The following CDH13 variants were observed in gnomAD, a reference collection of about 807,000 sequenced individuals.
CDH13 encodes cadherin 13.
CDH13 carries 24 observed loss-of-function variants against 63.8 expected under a neutral mutation model. That is an observed-to-expected ratio of 0.38 (90% CI 0.27 to 0.53). The LOEUF (loss-of-function observed/expected upper bound fraction) is 0.53, where lower values mean the gene tolerates loss of function less well. CDH13 is among the 20% of genes least tolerant of loss of function. The pLI, the probability that CDH13 is intolerant of heterozygous loss-of-function variation, is 0.85. For missense variants in CDH13, 1,049 were observed against 903.1 expected, an observed-to-expected ratio of 1.16 and a Z score of -2.07; for synonymous variants, 503 against 355.3, an observed-to-expected ratio of 1.42 and a Z score of -4.67.
chr16:83,729,177 C>G (rs1598603214), intron 10 of CDH13, among the ~76,000 whole-genome samples: 2 of 152,206 alleles, frequency 1.3e-5, no homozygotes, highest in East Asian at 3.9e-4. Flanking sequence ...TTGGGGGGAA[C>G]AGCAACAAAT....
At chr16:83,034,205 C>G (rs1321800827) in intron 3 of CDH13, among the ~76,000 whole-genome samples, 1 of 152,118 alleles carries the variant, frequency 6.6e-6, no homozygotes, top group African/African-American at 2.4e-5. Context: ...TAACCCCTGG[C>G]TTAGCCTGAG....
chr16:82,864,345 C>G (rs778908788), intron 2 of CDH13, among the ~76,000 whole-genome samples: 1 of 152,138 alleles, frequency 6.6e-6, no homozygotes, highest in Admixed American at 6.6e-5. Flanking sequence ...TATTTTCATA[C>G]TTCTATAAAG....
chr16:83,384,366 T>C (rs994379214), intron 6 of CDH13, among the ~76,000 whole-genome samples: 9 of 152,152 alleles, frequency 5.9e-5, no homozygotes, highest in Non-Finnish European at 1.3e-4. Context: ...GTCCTTCCTT[T>C]CTTCCCTCCA....
At chr16:82,675,763 G>A (rs1913827442) in intron 1 of CDH13, among the ~76,000 whole-genome samples, 1 of 152,150 alleles carries the variant, frequency 6.6e-6, no homozygotes, top group South Asian at 2.1e-4. Flanking sequence ...TATATATCCA[G>A]TCCAGCCTTT....
intron 10 of CDH13, among the ~76,000 whole-genome samples, chr16:83,702,803 G>T (rs1248483069): frequency 1.3e-5 from 2 of 152,192 alleles, no homozygotes; most frequent in African/African-American, 4.8e-5. Context: ...AGATGCAAAG[G>T]TACAGAGGGT....
At position 83,569,810 on chromosome 16, in the gene CDH13, C is replaced by T. The variant is rs1424801863; in HGVS notation, c.961-32644C>T. Among the ~76,000 whole-genome samples, 3 of 152,206 alleles carry T rather than the reference C, an allele frequency of 2.0e-5. No individual in the cohort carries two copies. In the East Asian group the frequency reaches 5.8e-4, roughly 29 times the overall value. ...GGAGTGCAGTGGTACAATCTCCGCT[C>T]ACTGCAACCTCTGCCTCCCGGGTTC... is the stretch of plus-strand genomic sequence containing the variant. On this transcript the variant is annotated intron_variant, in intron 7 of 13. Coordinates refer to ENST00000567109, the MANE Select transcript of CDH13 (RefSeq NM_001257.5).
chr16:83,044,730 G>C (rs1226126466), intron 3 of CDH13, among the ~76,000 whole-genome samples: 1 of 152,230 alleles, frequency 6.6e-6, no homozygotes, highest in African/African-American at 2.4e-5. Context: ...GTGAGACTCA[G>C]AGGTGGGTCT....
intron 3 of CDH13, among the ~76,000 whole-genome samples, chr16:83,085,142 A>G (rs1210122233): frequency 6.6e-6 from 1 of 151,848 alleles, no homozygotes; most frequent in Non-Finnish European, 1.5e-5. Flanking sequence ...TTGGACTTAC[A>G]GTTCCACATG....
At chr16:83,362,252 A>T (rs2091176448) in intron 6 of CDH13, among the ~76,000 whole-genome samples, 1 of 152,158 alleles carries the variant, frequency 6.6e-6, no homozygotes, top group African/African-American at 2.4e-5. Context: ...CATATTCATG[A>T]GGCAATCTGA....
chr16:83,501,222 T>C (rs1383627465), intron 7 of CDH13, among the ~76,000 whole-genome samples: 1 of 152,260 alleles, frequency 6.6e-6, no homozygotes, highest in African/African-American at 2.4e-5. Context: ...AATGAATTTA[T>C]TTCTACCTTT....
chr16:82,945,562 G>A (rs1429830949), intron 2 of CDH13, among the ~76,000 whole-genome samples: 7 of 152,142 alleles, frequency 4.6e-5, no homozygotes, highest in African/African-American at 1.7e-4. Flanking sequence ...TTACTGTGGT[G>A]CATATCAAGG....
chr16:82,879,585 A>G (rs1365184907), intron 2 of CDH13, among the ~76,000 whole-genome samples: 1 of 141,908 alleles, frequency 7.0e-6, no homozygotes, highest in East Asian at 2.0e-4. Flanking sequence ...ACAATATTAT[A>G]TATTATATTT....
chr16:83,160,106 A>C (rs543310280), intron 4 of CDH13, among the ~76,000 whole-genome samples: 41 of 152,096 alleles, frequency 2.7e-4, no homozygotes, highest in Non-Finnish European at 5.3e-4. Context: ...AAATTGTTAC[A>C]TAATGCACCC....
chr16:83,324,806 T>C (rs1253800340), intron 5 of CDH13, among the ~76,000 whole-genome samples: 1 of 152,222 alleles, frequency 6.6e-6, no homozygotes, highest in African/African-American at 2.4e-5. Flanking sequence ...CACTCTAGGC[T>C]GAACTATTTG....
chr16:83,709,129 C>T (rs1907610714), intron 10 of CDH13, among the ~76,000 whole-genome samples: 2 of 152,058 alleles, frequency 1.3e-5, no homozygotes, highest in Admixed American at 1.3e-4. Flanking sequence ...TCATTGGAGC[C>T]ACATAAGGAA....
At chr16:83,679,199 G>A (rs1915204301) in intron 10 of CDH13, among the ~76,000 whole-genome samples, 1 of 152,154 alleles carries the variant, frequency 6.6e-6, no homozygotes, top group African/African-American at 2.4e-5. Flanking sequence ...TTAAATGGTC[G>A]CTATCCACCC....
chr16:82,900,984 C>G (rs955256512), intron 2 of CDH13, among the ~76,000 whole-genome samples: 1 of 152,102 alleles, frequency 6.6e-6, no homozygotes. Context: ...GATCCAGGAG[C>G]CCAGAATGCC....
chr16:83,419,829 A>G (rs919360141), intron 6 of CDH13, among the ~76,000 whole-genome samples: 2 of 152,140 alleles, frequency 1.3e-5, no homozygotes, highest in Non-Finnish European at 2.9e-5. Flanking sequence ...AAATTATTGA[A>G]CATCTTGCTT....
chr16:83,346,875 C>G (rs2090851095), intron 6 of CDH13, among the ~76,000 whole-genome samples: 1 of 152,044 alleles, frequency 6.6e-6, no homozygotes, highest in Non-Finnish European at 1.5e-5. Context: ...AGACAGTTCT[C>G]CAGCAAAACA....
Sources: allele counts gnomAD v4.1 joint callset (sites outside exome capture counted in the v4.1 genomes callset), GRCh38; gene constraint gnomAD v4.1.1; transcripts MANE v1.5; gene names NCBI Gene and HGNC (gene_info 2026-07-23, HGNC 2026-07-21).